AKAP6: variants seen among roughly 807,000 people sequenced by gnomAD.
AKAP6 encodes A-kinase anchoring protein 6.
AKAP6 carries 58 observed loss-of-function variants against 188.5 expected under a neutral mutation model. The ratio of observed to expected loss-of-function variants is 0.31; its 90% CI spans 0.25 to 0.38. The LOEUF (loss-of-function observed/expected upper bound fraction) is 0.38. AKAP6 is among the 10% of genes least tolerant of loss of function. The probability of loss-of-function intolerance (pLI) is 1.00; values close to 1 mark genes in which losing one functional copy is unlikely to be tolerated. For missense variants in AKAP6, 2,710 were observed against 2,740.0 expected, an observed-to-expected ratio of 0.99 and a Z score of 0.24; for synonymous variants, 989 against 998.6, an observed-to-expected ratio of 0.99 and a Z score of 0.18.
At chr14:32,661,923 T>C (rs1441547613) in intron 7 of AKAP6, among the ~76,000 whole-genome samples, 2 of 152,128 alleles carry the variant, frequency 1.3e-5, no homozygotes. Flanking sequence ...TATGAAAGTA[T>C]GAATGTTATT....
intron 7 of AKAP6, among the ~76,000 whole-genome samples, 172 bp downstream of exon 7, chr14:32,600,964 G>A (rs1394498149): frequency 6.6e-6 from 1 of 152,022 alleles, no homozygotes; most frequent in Admixed American, 6.6e-5. Flanking sequence ...AAACAATAAA[G>A]CCTTCAACTT....
At chr14:32,396,136 T>C (rs1888871109) in intron 1 of AKAP6, among the ~76,000 whole-genome samples, 1 of 152,052 alleles carries the variant, frequency 6.6e-6, no homozygotes, top group African/African-American at 2.4e-5. Flanking sequence ...AGAGGGAGAA[T>C]GATGGGAGGA....
intron 13 of AKAP6, among the ~76,000 whole-genome samples, chr14:32,828,486 C>T (rs1385956241): frequency 6.6e-6 from 1 of 151,546 alleles, no homozygotes; most frequent in Non-Finnish European, 1.5e-5. Flanking sequence ...AAGGATGTTA[C>T]TGGGCATCAC....
chr14:32,527,295 A>C (rs1471274680), intron 2 of AKAP6, among the ~76,000 whole-genome samples: 1 of 152,132 alleles, frequency 6.6e-6, no homozygotes, highest in African/African-American at 2.4e-5. Context: ...GCACTGACTA[A>C]TATTCTATTG....
Position 32,672,252 on chromosome 14 carries a change from G to A in AKAP6, c.2731-6059G>A, listed in dbSNP as rs541689426. The stretch of plus-strand genomic sequence containing the variant: ...GTGCTAAATGCATACAAAATAAAGG[G>A]GGGAAACATGCTGTTATTGATAAAT... On this transcript the variant is annotated intron_variant, in intron 7 of 13. Transcript: ENST00000280979. 5.9e-5 allele frequency among the ~76,000 whole-genome samples: 9 copies of A among 152,292 alleles called. No homozygotes were observed. The East Asian group carries it at 1.7e-3, about 29-fold the overall frequency.
At chr14:32,582,578 G>C (rs938797232) in intron 5 of AKAP6, among the ~76,000 whole-genome samples, 2 of 152,168 alleles carry the variant, frequency 1.3e-5, no homozygotes, top group Non-Finnish European at 2.9e-5. Flanking sequence ...ATATCCTGCA[G>C]AGTGTTTTCC....
rs1889271958 is a variant in AKAP6, at chr14:32,672,898, C to T, written c.2731-5413C>T. Reference sequence around the variant, plus strand: ...CCATTAGGCGACTATCTTGTCATGACAGAAAAAGAGAGATAGAGGAAGATT... The same window carrying T: ...CCATTAGGCGACTATCTTGTCATGATAGAAAAAGAGAGATAGAGGAAGATT... On this transcript the variant is annotated intron_variant, in intron 7 of 13. Coordinates refer to ENST00000280979, the MANE Select transcript of AKAP6 (RefSeq NM_004274.5). Among the ~76,000 whole-genome samples the T allele has an allele frequency of 1.3e-5, 2 of 152,154 alleles. 1 individual carries two copies.
chr14:32,564,487 C>T (rs550195934), intron 4 of AKAP6, among the ~76,000 whole-genome samples: 1 of 152,214 alleles, frequency 6.6e-6, no homozygotes, highest in South Asian at 2.1e-4. Context: ...GGAAAGGCAG[C>T]AATAGATTGG....
intron 2 of AKAP6, among the ~76,000 whole-genome samples, chr14:32,506,772 A>G (rs556030873): frequency 6.6e-6 from 1 of 151,032 alleles, no homozygotes; most frequent in Admixed American, 6.6e-5. Context: ...ACCTCAAGTG[A>G]TCTGCCCACT....
At chr14:32,629,412 CAAA>C (rs5807669) in intron 7 of AKAP6, among the ~76,000 whole-genome samples, 1 of 90,238 alleles carries the variant, frequency 1.1e-5, no homozygotes, top group Non-Finnish European at 2.3e-5. Context: ...GCGAGTTTCT[CAAA>C]AAAAAAAAAA....
intron 5 of AKAP6, among the ~76,000 whole-genome samples, chr14:32,581,816 T>A (rs1288188020): frequency 1.8e-4 from 27 of 151,108 alleles, no homozygotes; most frequent in Non-Finnish European, 3.4e-4. Context: ...AGGATTGCAA[T>A]CCCTGCCTTT....
chr14:32,356,591 T>C (rs1348445046), intron 1 of AKAP6, among the ~76,000 whole-genome samples: 2 of 152,186 alleles, frequency 1.3e-5, no homozygotes, highest in South Asian at 2.1e-4. Flanking sequence ...CATGGGAATC[T>C]TCAATGACTC....
At chr14:32,489,193 C>G (rs1049442112) in intron 2 of AKAP6, among the ~76,000 whole-genome samples, 2 of 152,084 alleles carry the variant, frequency 1.3e-5, no homozygotes, top group African/African-American at 4.8e-5. Context: ...AATATGTATT[C>G]CCTTTTTCAT....
intron 1 of AKAP6, chr14:32,403,240 A>G (rs1010561065): frequency 6.6e-6 from 1 of 152,192 alleles, no homozygotes; most frequent in African/African-American, 2.4e-5. Flanking sequence ...TTTCCAAATG[A>G]GGGGAATTAC....
chr14:32,542,803 A>G (rs967703853), intron 3 of AKAP6, among the ~76,000 whole-genome samples: 22 of 152,256 alleles, frequency 1.4e-4, no homozygotes, highest in African/African-American at 4.8e-4. Context: ...TGTTTTAAAA[A>G]TACTTATCTA....
At chr14:32,817,463 G>A in intron 12 of AKAP6, among the ~76,000 whole-genome samples, 1 of 118,034 alleles carries the variant, frequency 8.5e-6, no homozygotes, top group Non-Finnish European at 1.8e-5. Context: ...GTGTGTGTGT[G>A]TGTGTGTGTG....
At chr14:32,384,233 G>GGA (rs1566475755) in intron 1 of AKAP6, among the ~76,000 whole-genome samples, 1 of 152,204 alleles carries the variant, frequency 6.6e-6, no homozygotes, top group Non-Finnish European at 1.5e-5. Flanking sequence ...TAGAATAATG[G>GGA]GAGGAGGGCT....
At chr14:32,446,466 A>G (rs1890758916) in intron 2 of AKAP6, among the ~76,000 whole-genome samples, 1 of 152,114 alleles carries the variant, frequency 6.6e-6, no homozygotes, top group Non-Finnish European at 1.5e-5. Context: ...ATCTGCATGT[A>G]TCTCTTCTTA....
intron 7 of AKAP6, among the ~76,000 whole-genome samples, chr14:32,640,132 C>T (rs548938738): frequency 3.3e-5 from 5 of 151,876 alleles, no homozygotes; most frequent in East Asian, 3.9e-4. Flanking sequence ...TCAATAAAGG[C>T]AAGATAGCAC....
Sources: allele counts gnomAD v4.1 joint callset (sites outside exome capture counted in the v4.1 genomes callset), GRCh38; gene constraint gnomAD v4.1.1; transcripts MANE v1.5; gene names NCBI Gene and HGNC (gene_info 2026-07-23, HGNC 2026-07-21).